ZNF729: variants seen among roughly 807,000 people sequenced by gnomAD.
ZNF729 encodes the protein zinc finger protein 729.
A neutral mutation model predicts 12.2 loss-of-function variants in ZNF729; 15 were observed. The observed-to-expected ratio is 1.23, with a 90% CI of 0.82 to 1.89. ZNF729 has a LOEUF of 1.89. ZNF729 is among the 40% of genes most tolerant of loss of function. The pLI is 0.00. For missense variants in ZNF729, 1,540 were observed against 1,456.7 expected, an observed-to-expected ratio of 1.06 and a Z score of -0.93; for synonymous variants, 492 against 476.3, an observed-to-expected ratio of 1.03 and a Z score of -0.43.
At chr19:22,304,010 C>T in intron 2 of ZNF729, 126 bp downstream of exon 2, 1 of 811,586 alleles carries the variant, frequency 1.2e-6, no homozygotes, top group South Asian at 2.0e-5. Flanking sequence ...TTTCTGGAAA[C>T]AGGGATTTAT....
intron 1 of ZNF729, among the ~76,000 whole-genome samples, chr19:22,295,470 A>C (rs112145886): frequency 0.017 from 2,505 of 149,562 alleles, 84 homozygotes; most frequent in African/African-American, 0.059. Context: ...CGCTCACTGC[A>C]AGCTCCGCCT....
chr19:22,316,697 C>T lies in ZNF729; in HGVS notation c.3280C>T (p.His1094Tyr), dbSNP rs1473893422. The T allele has an allele frequency of 1.9e-6, 3 of 1,612,610 alleles. No homozygotes were observed. Among genetic ancestry groups the T allele is most frequent in the South Asian group, 1.1e-5 (1 of 91,050 alleles). Residue 1094 changes from histidine to tyrosine, a missense_variant, in exon 4 of 4, where the codon CAT (histidine) becomes TAT (tyrosine). Transcript: ENST00000601693. Reference protein sequence around the residue: ...AFKHFSALRKHKVIHTGKKPY... With the variant: ...AFKHFSALRKYKVIHTGKKPY... ...TAAGCATTTCTCAGCCCTTAGAAAA[C>T]ATAAGGTAATTCATACTGGAAAGAA...
chr19:22,301,628 C>A (rs1023392673), intron 1 of ZNF729, among the ~76,000 whole-genome samples: 9 of 152,306 alleles, frequency 5.9e-5, no homozygotes, highest in African/African-American at 2.2e-4. Flanking sequence ...GATCTTAAAT[C>A]TTTTCTTTGA....
chr19:22,287,408 A>G (rs773957665), intron 1 of ZNF729, among the ~76,000 whole-genome samples: 1 of 151,876 alleles, frequency 6.6e-6, no homozygotes, highest in Non-Finnish European at 1.5e-5. Flanking sequence ...CTGGGATTAC[A>G]GGCATGTGCC....
intron 1 of ZNF729, 33 bp from the exon 2 acceptor site, chr19:22,303,724 GA>G: frequency 6.7e-7 from 1 of 1,500,866 alleles, no homozygotes; most frequent in Non-Finnish European, 8.9e-7. Context: ...GGCCACTTGG[GA>G]AATGTATATG....
At chr19:22,307,800 G>GTTTTTTTTT in intron 3 of ZNF729, among the ~76,000 whole-genome samples, 10 of 53,328 alleles carry the variant, frequency 1.9e-4, no homozygotes, top group Non-Finnish European at 2.6e-4. Flanking sequence ...AAAGCTCTGT[G>GTTTTTTTTT]TTTTTTTTTT....
chr19:22,310,845 T>C (rs1599758216), intron 3 of ZNF729, among the ~76,000 whole-genome samples: 3 of 152,264 alleles, frequency 2.0e-5, no homozygotes, highest in Non-Finnish European at 4.4e-5. Context: ...TGGATGATTT[T>C]AAAATTACCA....
intron 1 of ZNF729, among the ~76,000 whole-genome samples, chr19:22,294,657 C>CTTT (rs71180535): frequency 1.5e-4 from 14 of 92,414 alleles, no homozygotes; most frequent in East Asian, 6.1e-4. Flanking sequence ...TTTTCTTTTT[C>CTTT]TTTTTTTTTT....
chr19:22,302,161 C>A (rs78848294), intron 1 of ZNF729, among the ~76,000 whole-genome samples: 2 of 152,312 alleles, frequency 1.3e-5, no homozygotes, highest in African/African-American at 4.8e-5. Context: ...GGTACCCAGA[C>A]AAGAGTTTCT....
intron 1 of ZNF729, among the ~76,000 whole-genome samples, chr19:22,289,062 G>C (rs1405550449): frequency 6.6e-6 from 1 of 151,518 alleles, no homozygotes; most frequent in Admixed American, 6.6e-5. Flanking sequence ...AGACACATCT[G>C]TACCTTGAAA....
chr19:22,316,608 C>T lies in ZNF729; in HGVS notation c.3191C>T (p.Thr1064Ile), dbSNP rs751969645. The stretch of plus-strand genomic sequence containing the variant: ...GCTTTTAAGTGGTCCTCAAAACTTA[C>T]TGAACATAAGGTAATTCATACTGGA... ...GKAFKWSSKL[T>I]EHKVIHTGEK... The change falls in exon 4 of 4, where the codon ACT becomes ATT. Residue 1064 changes from threonine to isoleucine, a missense_variant. Coordinates refer to ENST00000601693, the MANE Select transcript of ZNF729 (RefSeq NM_001242680.2). The T allele has an allele frequency of 6.2e-7, 1 of 1,612,604 alleles. No individual in the cohort carries two copies. Among genetic ancestry groups the T allele is most frequent in the Non-Finnish European group, 8.5e-7 (1 of 1,179,644 alleles).
At chr19:22,298,309 TA>T (rs147887042) in intron 1 of ZNF729, among the ~76,000 whole-genome samples, 6 of 152,202 alleles carry the variant, frequency 3.9e-5, no homozygotes, top group African/African-American at 9.6e-5. Context: ...TATATACATA[TA>T]AAAAATATAG....
At chr19:22,300,943 A>G (rs999209316) in intron 1 of ZNF729, among the ~76,000 whole-genome samples, 2 of 152,224 alleles carry the variant, frequency 1.3e-5, no homozygotes, top group Non-Finnish European at 2.9e-5. Context: ...AGATTTGAGA[A>G]AAAAGAAAAA....
At chr19:22,310,346 A>G (rs1450233191) in intron 3 of ZNF729, among the ~76,000 whole-genome samples, 1 of 152,020 alleles carries the variant, frequency 6.6e-6, no homozygotes, top group East Asian at 1.9e-4. Context: ...TTTGTCATAG[A>G]TGGCTTTTAT....
intron 1 of ZNF729, among the ~76,000 whole-genome samples, chr19:22,301,679 C>T (rs950871517): frequency 6.6e-6 from 1 of 152,312 alleles, no homozygotes; most frequent in African/African-American, 2.4e-5. Flanking sequence ...TTCCAGTGAC[C>T]TGTTACAGGT....
chr19:22,295,364 G>C (rs111399529), intron 1 of ZNF729, among the ~76,000 whole-genome samples: 3,306 of 150,482 alleles, frequency 0.022, 108 homozygotes, highest in African/African-American at 0.077. Context: ...TAGGAGCGGT[G>C]AGAGAAGGTA....
intron 1 of ZNF729, among the ~76,000 whole-genome samples, chr19:22,292,596 C>T (rs145473550): frequency 1.8e-4 from 27 of 152,090 alleles, no homozygotes; most frequent in South Asian, 8.3e-4. Context: ...TGCCACCAAG[C>T]CCAGCTAATT....
intron 1 of ZNF729, among the ~76,000 whole-genome samples, chr19:22,295,390 T>C (rs1224339160): frequency 3.4e-5 from 3 of 88,182 alleles, no homozygotes; most frequent in African/African-American, 2.0e-4. Context: ...GTTTTCTTTC[T>C]TTTTTTTTTT....
chr19:22,290,116 G>A (rs756552431), intron 1 of ZNF729, among the ~76,000 whole-genome samples: 6 of 152,136 alleles, frequency 3.9e-5, no homozygotes, highest in African/African-American at 1.4e-4. Context: ...TCTAAGCTAA[G>A]GCTAATACTG....
Sources: allele counts gnomAD v4.1 joint callset (sites outside exome capture counted in the v4.1 genomes callset), GRCh38; gene constraint gnomAD v4.1.1; transcripts MANE v1.5; gene names NCBI Gene and HGNC (gene_info 2026-07-23, HGNC 2026-07-21).